Variants in PCBP3 observed in about 807,000 individuals in gnomAD.
PCBP3 encodes poly(rC) binding protein 3.
Under a neutral mutation model 52.7 loss-of-function variants are expected in PCBP3, and 25 were observed. That is an observed-to-expected ratio of 0.47 (90% CI 0.35 to 0.66). The LOEUF (loss-of-function observed/expected upper bound fraction) is 0.66. Among genes scored for constraint, PCBP3 ranks in the 30% least tolerant of loss-of-function variants. PCBP3 has a pLI of 0.01. For missense variants in PCBP3, 391 were observed against 490.3 expected (o/e 0.80, Z 1.91); for synonymous variants, 162 against 183.0 (o/e 0.89, Z 0.93).
At chr21:45,729,598 G>T (rs2085306773) in intron 2 of PCBP3, among the ~76,000 whole-genome samples, 1 of 151,964 alleles carries the variant, frequency 6.6e-6, no homozygotes, top group Admixed American at 6.6e-5. Flanking sequence ...GGTGTGAAGT[G>T]GTATCACATT....
chr21:45,735,622 G>A lies in PCBP3; in HGVS notation c.-162+193G>A, dbSNP rs1397973856. ...ACTGCCAAGAGCATGTAGTGTGAGTGACACGCGTTTTCCCTTCTTGCTTCT... is the reference window on the plus strand; with the variant it reads ...ACTGCCAAGAGCATGTAGTGTGAGTAACACGCGTTTTCCCTTCTTGCTTCT... On this transcript the variant is annotated intron_variant, in intron 3 of 17. Coordinates refer to ENST00000681687, the MANE Select transcript of PCBP3 (RefSeq NM_001384156.1). The surrounding 1 kb of genome is among the most constrained non-coding windows in gnomAD (Gnocchi z 4.0). Among the ~76,000 whole-genome samples the A allele has an allele frequency of 6.6e-6, 1 of 152,170 alleles. No individual in the cohort carries two copies. The highest frequency in any genetic ancestry group is 1.5e-5 in the Non-Finnish European group (1 of 68,018).
chr21:45,842,922 C>T (rs188160051), intron 4 of PCBP3, among the ~76,000 whole-genome samples: 1 of 152,308 alleles, frequency 6.6e-6, no homozygotes, highest in Admixed American at 6.5e-5. Context: ...CTAATAGGTT[C>T]CTCCTTTCCC....
At chr21:45,784,379 TCTACCTCTACCTCTACCG>T (rs1174758603) in intron 4 of PCBP3, among the ~76,000 whole-genome samples, 16,511 of 147,248 alleles carry the variant, frequency 0.11, 1,121 homozygotes, top group Middle Eastern at 0.24. Flanking sequence ...TACCTCTACC[TCTACCTCTACCTCTACCG>T]CTACCTCTAC....
chr21:45,805,414 G>A lies in PCBP3; in HGVS notation c.-125-44547G>A, dbSNP rs969044966. ...GCCCACCTGCCCTGTGTGCTGGGCC[G>A]TGCGGAGGTGGCCATGGGCAGCCCT... On this transcript the variant is annotated intron_variant, in intron 4 of 17. Coordinates refer to ENST00000681687, the MANE Select transcript of PCBP3 (RefSeq NM_001384156.1). This position sits in a 1 kb window ranked among gnomAD's most constrained non-coding sequence, Gnocchi z 4.6. 7.2e-5 allele frequency among the ~76,000 whole-genome samples: 11 copies of A among 152,186 alleles called. No homozygotes were observed. Among genetic ancestry groups the A allele is most frequent in the Admixed American group, 3.9e-4 (6 of 15,300 alleles).
chr21:45,844,971 A>G (rs2093777846), intron 4 of PCBP3, among the ~76,000 whole-genome samples: 2 of 151,934 alleles, frequency 1.3e-5, no homozygotes, highest in Admixed American at 6.6e-5. Context: ...AAAATTTTGC[A>G]TTCATCAGAA....
chr21:45,915,913 AC>A (rs2073328100), intron 12 of PCBP3: 1 of 152,294 alleles, frequency 6.6e-6, no homozygotes. Context: ...AGGACACACA[AC>A]CCAATACAGA....
intron 15 of PCBP3, 103 bp from the exon 16 acceptor site, chr21:45,935,150 T>C: frequency 1.3e-6 from 1 of 789,214 alleles, no homozygotes; most frequent in Non-Finnish European, 2.2e-6. Context: ...GGGCCAGCTC[T>C]ACAGCCCTGT....
In PCBP3 at chr21:45,821,378, TG is replaced by T. The variant is rs1197702168; in HGVS notation, c.-125-28580del. Among the ~76,000 whole-genome samples the T allele has an allele frequency of 5.3e-5, 8 of 151,550 alleles. No homozygotes were observed. The highest frequency in any genetic ancestry group is 1.9e-4 in the African/African-American group (8 of 41,222). On this transcript the variant is annotated intron_variant, in intron 4 of 17. Coordinates refer to ENST00000681687, the MANE Select transcript of PCBP3 (RefSeq NM_001384156.1). This position sits in a 1 kb window ranked among gnomAD's most constrained non-coding sequence, Gnocchi z 4.4. The stretch of plus-strand genomic sequence containing the variant: ...TCCAGTACCCCCCTGCACCACGCTG[TG>T]GGCCCCGCACCCTCCCCCAACTCTT...
Position 45,827,675 on chromosome 21 carries a change from T to A in PCBP3, c.-125-22286T>A, listed in dbSNP as rs944385692. Among the ~76,000 whole-genome samples the A allele has an allele frequency of 9.8e-5, 15 of 152,314 alleles. No individual in the cohort carries two copies. In the East Asian group the frequency reaches 2.9e-3, roughly 29 times the overall value. ...TGTGATGTATGCAGTTTTATGTACA[T>A]CAGTTACATCTCAGCCAAGCTGTTA... is the stretch of plus-strand genomic sequence containing the variant. On this transcript the variant is annotated intron_variant, in intron 4 of 17. Coordinates refer to ENST00000681687, the MANE Select transcript of PCBP3 (RefSeq NM_001384156.1). This position sits in a 1 kb window ranked among gnomAD's most constrained non-coding sequence, Gnocchi z 4.3.
At chr21:45,889,190 C>T (rs541875754) in intron 5 of PCBP3, among the ~76,000 whole-genome samples, 5 of 152,274 alleles carry the variant, frequency 3.3e-5, no homozygotes, top group South Asian at 2.1e-4. Context: ...CAGGCAGGAG[C>T]GCTCACAGGG....
At chr21:45,739,297 AC>A (rs2145966837) in intron 3 of PCBP3, among the ~76,000 whole-genome samples, 3 of 25,274 alleles carry the variant, frequency 1.2e-4, no homozygotes, top group Non-Finnish European at 2.2e-4. Flanking sequence ...TCATCAGCCC[AC>A]CCCTTCCTGT....
At chr21:45,835,636 G>A (rs367959039) in intron 4 of PCBP3, among the ~76,000 whole-genome samples, 9 of 152,356 alleles carry the variant, frequency 5.9e-5, no homozygotes, top group Admixed American at 2.6e-4. Flanking sequence ...TGGCCCCTGC[G>A]TGAGGAAGAC....
At chr21:45,822,431 A>G (rs1194308207) in intron 4 of PCBP3, among the ~76,000 whole-genome samples, 1 of 152,228 alleles carries the variant, frequency 6.6e-6, no homozygotes, top group African/African-American at 2.4e-5. Context: ...TTTCCAGGTG[A>G]CTATAAAAAT....
At chr21:45,938,218 A>G (rs2077082008) in intron 16 of PCBP3, among the ~76,000 whole-genome samples, 3 of 152,372 alleles carry the variant, frequency 2.0e-5, no homozygotes, top group Admixed American at 6.5e-5. Flanking sequence ...ACATGTGCAC[A>G]AGGCTTTCCG....
chr21:45,930,921 C>T, intron 15 of PCBP3, 76 bp downstream of exon 15: 1 of 1,586,232 alleles, frequency 6.3e-7, no homozygotes, highest in Non-Finnish European at 8.6e-7. Flanking sequence ...GGTGTGGGGG[C>T]CCTGCCGCTG....
rs1256856996 is a variant in PCBP3 at position 45,646,879 on chromosome 21, G to A, written c.-279+3011G>A. On this transcript the variant is annotated intron_variant, in intron 1 of 17. Transcript: ENST00000681687. ...ATGTTGGTTCTCAGCCTTTCCTGGC[G>A]ATGGGATCTGTTTATGTGTTGGGCT... Among the ~76,000 whole-genome samples the A allele has an allele frequency of 2.0e-5, 3 of 152,314 alleles. No homozygotes were observed. The Middle Eastern group carries it at 0.01, about 518-fold the overall frequency.
rs559033970 is a variant in PCBP3 at position 45,827,090 on chromosome 21, C to T, written c.-125-22871C>T. 2.6e-5 allele frequency among the ~76,000 whole-genome samples: 4 copies of T among 152,268 alleles called. No individual in the cohort carries two copies. The highest frequency in any genetic ancestry group is 2.1e-4 in the South Asian group (1 of 4,820). ...CCCAGCTGAGCCAGGCTCTCAAGAGCGCTCCCCACTCCCGCGTCCCTGGGG... is the reference window on the plus strand; with the variant it reads ...CCCAGCTGAGCCAGGCTCTCAAGAGTGCTCCCCACTCCCGCGTCCCTGGGG... On this transcript the variant is annotated intron_variant, in intron 4 of 17. Coordinates refer to ENST00000681687, the MANE Select transcript of PCBP3 (RefSeq NM_001384156.1). This position sits in a 1 kb window ranked among gnomAD's most constrained non-coding sequence, Gnocchi z 4.3.
intron 6 of PCBP3, among the ~76,000 whole-genome samples, chr21:45,898,222 T>G (rs911967622): frequency 2.0e-5 from 3 of 152,148 alleles, no homozygotes; most frequent in Non-Finnish European, 4.4e-5. Context: ...CTGCACTCTG[T>G]GGGGGAGGTG....
intron 2 of PCBP3, among the ~76,000 whole-genome samples, chr21:45,695,917 A>G (rs922831701): frequency 6.6e-6 from 1 of 151,762 alleles, no homozygotes; most frequent in Admixed American, 6.6e-5. Context: ...CGTCTCTACT[A>G]AAAATACAAA....
Sources: gnomAD v4.1 joint callset for allele counts (sites outside exome capture counted in the v4.1 genomes callset) on GRCh38, gnomAD v4.1.1 for gene constraint, Gnocchi (gnomAD v3.1) non-coding constraint, MANE v1.5 for transcripts, NCBI Gene and HGNC (gene_info 2026-07-23, HGNC 2026-07-21) for gene names.